The following MGA variants were observed in gnomAD, a reference collection of about 807,000 sequenced individuals.
MGA encodes the protein MAX gene-associated protein.
MGA carries 40 observed loss-of-function variants against 261.1 expected under a neutral mutation model. The observed-to-expected ratio is 0.15, with a 90% CI of 0.12 to 0.20. MGA has a LOEUF of 0.20. Among genes scored for constraint, MGA ranks in the 10% least tolerant of loss-of-function variants. The probability of loss-of-function intolerance (pLI) is 1.00; values close to 1 mark genes in which losing one functional copy is unlikely to be tolerated. For synonymous variants in MGA, 1,302 were observed against 1,290.6 expected (o/e 1.01, Z -0.19); for missense variants, 3,397 against 3,630.5 (o/e 0.94, Z 1.65).
chr15:41,754,804 A>C (rs1567093196), intron 18 of MGA, among the ~76,000 whole-genome samples: 1 of 152,154 alleles, frequency 6.6e-6, no homozygotes, highest in Non-Finnish European at 1.5e-5. Context: ...ATAGACTGGT[A>C]TTATAAAATA....
chr15:41,686,566 C>T (rs554975380), intron 2 of MGA, among the ~76,000 whole-genome samples: 1 of 151,852 alleles, frequency 6.6e-6, no homozygotes, highest in Non-Finnish European at 1.5e-5. Context: ...ATTCATGTCT[C>T]CTGATCTTAG....
chr15:41,701,347 G>A (rs895148329), intron 5 of MGA, among the ~76,000 whole-genome samples: 3 of 152,018 alleles, frequency 2.0e-5, no homozygotes, highest in African/African-American at 7.3e-5. Context: ...TAGTTCTAGA[G>A]TTAAATATAT....
chr15:41,720,670 A>G (rs570805147), intron 9 of MGA, among the ~76,000 whole-genome samples: 1 of 152,162 alleles, frequency 6.6e-6, no homozygotes, highest in East Asian at 1.9e-4. Context: ...CGTCTCTACT[A>G]AAAATACAAA....
chr15:41,723,345 T>G (rs963547627), intron 9 of MGA, among the ~76,000 whole-genome samples: 1 of 152,212 alleles, frequency 6.6e-6, no homozygotes, highest in Non-Finnish European at 1.5e-5. Context: ...GGGAGCCTGT[T>G]TTCATGGCTT....
intron 2 of MGA, among the ~76,000 whole-genome samples, chr15:41,674,984 A>G (rs971551998): frequency 6.6e-6 from 1 of 152,236 alleles, no homozygotes; most frequent in African/African-American, 2.4e-5. Flanking sequence ...TAGTCATTCA[A>G]ATCGGAAACC....
At chr15:41,624,860 A>C (rs2056407538) in intron 1 of MGA, among the ~76,000 whole-genome samples, 1 of 152,222 alleles carries the variant, frequency 6.6e-6, no homozygotes, top group South Asian at 2.1e-4. Flanking sequence ...AAATAGAATG[A>C]GGCCAGGCAC....
chr15:41,766,064 G>A lies in MGA; in HGVS notation c.7982G>A (p.Gly2661Glu), dbSNP rs762092137. 45 of 1,613,726 alleles carry A rather than the reference G, an allele frequency of 2.8e-5. No individual in the cohort carries two copies. Among genetic ancestry groups the A allele is most frequent in the Non-Finnish European group, 1.7e-5 (20 of 1,179,872 alleles). The stretch of plus-strand genomic sequence containing the variant: ...AATGTGACATCATTGGCCACAGAGG[G>A]AGGTTTGGTAGATATGGGTGGCAGC... The change falls in exon 24 of 24, where the codon GGA (glycine) becomes GAA (glutamate). Residue 2661 changes from glycine (G) to glutamate (E), a missense_variant. By Grantham distance (98) the Gly-to-Glu change is moderately conservative. Coordinates refer to ENST00000219905, the MANE Select transcript of MGA (RefSeq NM_001164273.2).
At chr15:41,703,375 C>CA (rs199900304) in intron 5 of MGA, among the ~76,000 whole-genome samples, 5 of 140,630 alleles carry the variant, frequency 3.6e-5, no homozygotes, top group Non-Finnish European at 7.9e-5. Context: ...GTTACCCCCC[C>CA]CCCCACTCCC....
chr15:41,758,767 CTTTTACA>C (rs2063287073), intron 19 of MGA, among the ~76,000 whole-genome samples: 1 of 152,046 alleles, frequency 6.6e-6, no homozygotes, highest in African/African-American at 2.4e-5. Context: ...AAGGCAGTGG[CTTTTACA>C]TTAGAGTTTT....
At chr15:41,642,056 C>T (rs965252174) in intron 1 of MGA, among the ~76,000 whole-genome samples, 3 of 152,152 alleles carry the variant, frequency 2.0e-5, no homozygotes, top group Non-Finnish European at 4.4e-5. Flanking sequence ...CTGCCTTGAC[C>T]TCTGAAAGTG....
chr15:41,755,102 A>T (rs1235291264), intron 18 of MGA, among the ~76,000 whole-genome samples: 1 of 152,222 alleles, frequency 6.6e-6, no homozygotes, highest in Admixed American at 6.5e-5. Context: ...AGATGAAAAT[A>T]TGAAAGGAAT....
chr15:41,707,498 G>A (rs2060182034), intron 5 of MGA, among the ~76,000 whole-genome samples: 1 of 152,090 alleles, frequency 6.6e-6, no homozygotes, highest in Non-Finnish European at 1.5e-5. Context: ...TACCATAGTC[G>A]GGGTGAGGGG....
In MGA at chr15:41,669,572, T is replaced by C. The variant is rs891115039; in HGVS notation, c.678T>C (p.Phe226=). The C allele has an allele frequency of 3.7e-6, 6 of 1,613,910 alleles. No homozygotes were observed. The highest frequency in any genetic ancestry group is 3.3e-5 in the Admixed American group (2 of 60,000). ...TAAATGGCCCTGGTGTCCACACTTT[T>C]ACCTTCCCACAGACTGAATTCTTTG... Residue 226 remains phenylalanine, a synonymous_variant, in exon 2 of 24, where the codon TTT becomes TTC. Transcript: ENST00000219905.
chr15:41,673,590 T>G (rs1378466531), intron 2 of MGA, among the ~76,000 whole-genome samples: 1 of 146,430 alleles, frequency 6.8e-6, no homozygotes, highest in Admixed American at 7.1e-5. Flanking sequence ...TTTTCCAGGC[T>G]GGAGTGCAGT....
At chr15:41,682,209 A>AC (rs1357593473) in intron 2 of MGA, among the ~76,000 whole-genome samples, 6 of 151,386 alleles carry the variant, frequency 4.0e-5, no homozygotes, top group African/African-American at 7.3e-5. Flanking sequence ...GAGCCACTGC[A>AC]CCCCCCTTCT....
intron 2 of MGA, 79 bp from the exon 3 acceptor site, chr15:41,695,996 C>CTTTT: frequency 3.4e-6 from 3 of 870,350 alleles, no homozygotes; most frequent in Non-Finnish European, 5.0e-6. Context: ...TTCCTAACAT[C>CTTTT]TTTTTTTTTT....
At chr15:41,670,483 C>T (rs961036248) in intron 2 of MGA, among the ~76,000 whole-genome samples, 1 of 152,000 alleles carries the variant, frequency 6.6e-6, no homozygotes, top group Admixed American at 6.6e-5. Flanking sequence ...TCAGTTATGC[C>T]AGGTAAATTT....
chr15:41,678,536 C>T (rs561272252), intron 2 of MGA, among the ~76,000 whole-genome samples: 50 of 150,360 alleles, frequency 3.3e-4, no homozygotes, highest in African/African-American at 1.2e-3. Flanking sequence ...GAGGCTGAGG[C>T]GGGCGGATCA....
chr15:41,679,140 A>T (rs941004015), intron 2 of MGA, among the ~76,000 whole-genome samples: 5 of 151,892 alleles, frequency 3.3e-5, no homozygotes, highest in African/African-American at 9.7e-5. Flanking sequence ...TGTTTAAGCA[A>T]TTCTCCTGTG....
Sources: gnomAD v4.1 joint callset for allele counts (sites outside exome capture counted in the v4.1 genomes callset) on GRCh38, gnomAD v4.1.1 for gene constraint, MANE v1.5 for transcripts, NCBI Gene and HGNC (gene_info 2026-07-23, HGNC 2026-07-21) for gene names.